The following HS3ST2 variants were observed in gnomAD, a reference collection of about 807,000 sequenced individuals.
HS3ST2 encodes heparan sulfate-glucosamine 3-sulfotransferase 2.
A neutral mutation model predicts 26.3 loss-of-function variants in HS3ST2; 17 were observed. The ratio of observed to expected loss-of-function variants is 0.65; its 90% CI spans 0.44 to 0.97. The LOEUF (loss-of-function observed/expected upper bound fraction) is 0.97. Ranked by LOEUF, HS3ST2 falls within the 50% of genes least tolerant of loss-of-function variation. The probability of loss-of-function intolerance (pLI) is 0.00; values close to 1 mark genes in which losing one functional copy is unlikely to be tolerated. For synonymous variants in HS3ST2, 237 were observed against 219.2 expected, an observed-to-expected ratio of 1.08 and a Z score of -0.72; for missense variants, 402 against 501.2, an observed-to-expected ratio of 0.80 and a Z score of 1.89.
At chr16:22,867,201 A>G (rs1405891648) in intron 1 of HS3ST2, among the ~76,000 whole-genome samples, 1 of 152,228 alleles carries the variant, frequency 6.6e-6, no homozygotes, top group Admixed American at 6.5e-5. Flanking sequence ...AATAGTGTTG[A>G]GACAACTGGC....
intron 1 of HS3ST2, among the ~76,000 whole-genome samples, chr16:22,867,359 A>C (rs1901771637): frequency 6.6e-6 from 1 of 152,254 alleles, no homozygotes; most frequent in Non-Finnish European, 1.5e-5. Flanking sequence ...GAAAACACCA[A>C]GAACAAGACT....
intron 1 of HS3ST2, among the ~76,000 whole-genome samples, chr16:22,873,164 G>A (rs553184104): frequency 6.6e-6 from 1 of 152,264 alleles, no homozygotes; most frequent in African/African-American, 2.4e-5. Flanking sequence ...GGAATCCTGG[G>A]GTGTCAGCAA....
chr16:22,867,603 A>G (rs1323323335), intron 1 of HS3ST2, among the ~76,000 whole-genome samples: 1 of 152,230 alleles, frequency 6.6e-6, no homozygotes, highest in African/African-American at 2.4e-5. Context: ...GACAATCAGC[A>G]AGTGAAAGAA....
intron 1 of HS3ST2, among the ~76,000 whole-genome samples, chr16:22,881,285 TTCC>T (rs1365744842): frequency 6.6e-6 from 1 of 152,206 alleles, no homozygotes; most frequent in Non-Finnish European, 1.5e-5. Flanking sequence ...GCTGTTTCCC[TTCC>T]TCCTCCACTG....
rs542940845 is a variant in HS3ST2, at chr16:22,835,886, A to G, written c.485+20791A>G. Among the ~76,000 whole-genome samples, 117 of 152,344 alleles carry G rather than the reference A, an allele frequency of 7.7e-4. 1 individual carries two copies. Among genetic ancestry groups the G allele is most frequent in the African/African-American group, 2.8e-3 (117 of 41,582 alleles). ...AGAAAATGAATTGACTAAGGATTCA[A>G]CCACAAAAGTGAGTGGAATGTTAAA... On this transcript the variant is annotated intron_variant, in intron 1 of 1. Coordinates refer to ENST00000261374, the MANE Select transcript of HS3ST2 (RefSeq NM_006043.2).
chr16:22,844,515 G>A lies in HS3ST2; in HGVS notation c.485+29420G>A, dbSNP rs368126543. Among the ~76,000 whole-genome samples, 4 of 152,056 alleles carry A rather than the reference G, an allele frequency of 2.6e-5. No individual in the cohort carries two copies. In the South Asian group the frequency reaches 8.3e-4, roughly 32 times the overall value. On this transcript the variant is annotated intron_variant, in intron 1 of 1. Transcript: ENST00000261374. ...CCTTCAGTCTTTCTGGGAGGGATGT[G>A]GTTTGGATCTGTGTCCCCACCGAAA...
At chr16:22,847,777 A>T (rs1355708099) in intron 1 of HS3ST2, among the ~76,000 whole-genome samples, 2 of 151,732 alleles carry the variant, frequency 1.3e-5, no homozygotes, top group African/African-American at 2.4e-5. Flanking sequence ...AGAGAAAGAG[A>T]AAGAGGAAGA....
Position 22,915,456 on chromosome 16 carries a change from C to A in HS3ST2, c.998C>A (p.Thr333Asn). The A allele has an allele frequency of 6.2e-7, 1 of 1,612,368 alleles. No individual in the cohort carries two copies. ...PRCLGKSKGR[T>N]HVQIDPEVID... The stretch of plus-strand genomic sequence containing the variant: ...TGCTTGGGCAAATCAAAAGGGAGAA[C>A]TCATGTACAGATTGATCCTGAAGTG... The change falls in exon 2 of 2, where the codon ACT becomes AAT. Residue 333 changes from threonine (T) to asparagine (N), a missense_variant. Coordinates refer to ENST00000261374, the MANE Select transcript of HS3ST2 (RefSeq NM_006043.2).
chr16:22,887,716 G>T (rs749534499), intron 1 of HS3ST2, among the ~76,000 whole-genome samples: 10 of 151,984 alleles, frequency 6.6e-5, no homozygotes, highest in Non-Finnish European at 1.2e-4. Flanking sequence ...GAAGGCCGAG[G>T]TGGGAGGATC....
chr16:22,864,361 A>C (rs1264696117), intron 1 of HS3ST2, among the ~76,000 whole-genome samples: 1 of 152,234 alleles, frequency 6.6e-6, no homozygotes, highest in African/African-American at 2.4e-5. Context: ...AACACAGGAA[A>C]TATGTCAGGA....
intron 1 of HS3ST2, among the ~76,000 whole-genome samples, chr16:22,849,491 C>G (rs773587689): frequency 6.6e-6 from 1 of 152,148 alleles, no homozygotes; most frequent in Non-Finnish European, 1.5e-5. Flanking sequence ...CTAAGTTGTG[C>G]TGTAGTAACA....
chr16:22,858,360 A>T (rs1901628985), intron 1 of HS3ST2, among the ~76,000 whole-genome samples: 1 of 150,986 alleles, frequency 6.6e-6, no homozygotes. Context: ...AATTTTAAAG[A>T]AGAGCTCTTG....
chr16:22,860,257 C>T (rs1035017598), intron 1 of HS3ST2, among the ~76,000 whole-genome samples: 2 of 152,108 alleles, frequency 1.3e-5, no homozygotes, highest in African/African-American at 2.4e-5. Context: ...TCTTACATGG[C>T]GTCCGGCAAG....
chr16:22,821,993 T>A (rs1180447874), intron 1 of HS3ST2, among the ~76,000 whole-genome samples: 2 of 152,088 alleles, frequency 1.3e-5, no homozygotes, highest in South Asian at 2.1e-4. Context: ...CACCTCAGTG[T>A]CCATGGCCAC....
chr16:22,903,991 C>G (rs1902316019), intron 1 of HS3ST2, among the ~76,000 whole-genome samples: 1 of 152,168 alleles, frequency 6.6e-6, no homozygotes, highest in Non-Finnish European at 1.5e-5. Context: ...GGGATTAGAG[C>G]AGCCTTGTCA....
At chr16:22,838,002 T>TA (rs1333023920) in intron 1 of HS3ST2, among the ~76,000 whole-genome samples, 1 of 151,720 alleles carries the variant, frequency 6.6e-6, no homozygotes, top group Non-Finnish European at 1.5e-5. Context: ...AAATTGTAGG[T>TA]AAAAAATTGT....
chr16:22,839,201 T>G (rs1211499558), intron 1 of HS3ST2, among the ~76,000 whole-genome samples: 1 of 152,234 alleles, frequency 6.6e-6, no homozygotes, highest in Non-Finnish European at 1.5e-5. Flanking sequence ...GATAAATATT[T>G]GTCGAATGAA....
intron 1 of HS3ST2, among the ~76,000 whole-genome samples, chr16:22,852,649 C>A (rs1405660966): frequency 6.6e-6 from 1 of 152,174 alleles, no homozygotes. Context: ...CCCTTCCCCT[C>A]TCTGTCACAT....
At chr16:22,832,980 G>C (rs1180951236) in intron 1 of HS3ST2, among the ~76,000 whole-genome samples, 4 of 152,010 alleles carry the variant, frequency 2.6e-5, no homozygotes, top group African/African-American at 9.7e-5. Flanking sequence ...AGAGCTGGGG[G>C]ACAACATCTA....
Sources: allele counts gnomAD v4.1 joint callset (sites outside exome capture counted in the v4.1 genomes callset), GRCh38; gene constraint gnomAD v4.1.1; transcripts MANE v1.5; gene names NCBI Gene and HGNC (gene_info 2026-07-23, HGNC 2026-07-21).